The following HIVEP3 variants were observed in gnomAD, a reference collection of about 807,000 sequenced individuals.
HIVEP3 encodes transcription factor HIVEP3.
A neutral mutation model predicts 152.8 loss-of-function variants in HIVEP3; 49 were observed. The ratio of observed to expected loss-of-function variants is 0.32; its 90% CI spans 0.26 to 0.41. HIVEP3 has a LOEUF of 0.41. Ranked by LOEUF, HIVEP3 falls within the 10% of genes least tolerant of loss-of-function variation. The probability of loss-of-function intolerance (pLI) is 1.00; values close to 1 mark genes in which losing one functional copy is unlikely to be tolerated. For synonymous variants in HIVEP3, 1,269 were observed against 1,289.0 expected, an observed-to-expected ratio of 0.98 and a Z score of 0.33; for missense variants, 2,790 against 3,103.3, an observed-to-expected ratio of 0.90 and a Z score of 2.40.
chr1:41,853,044 G>C (rs913556931), intron 1 of HIVEP3, among the ~76,000 whole-genome samples: 1 of 152,198 alleles, frequency 6.6e-6, no homozygotes, highest in Admixed American at 6.5e-5. Flanking sequence ...TACCTGAAAA[G>C]AAACAGGGTG....
At chr1:41,697,277 C>G (rs757755296) in intron 2 of HIVEP3, among the ~76,000 whole-genome samples, 2 of 152,184 alleles carry the variant, frequency 1.3e-5, no homozygotes, top group Non-Finnish European at 1.5e-5. Flanking sequence ...CCCTAGCTTT[C>G]CACCCACAGC....
intron 1 of HIVEP3, among the ~76,000 whole-genome samples, chr1:42,031,227 A>G (rs1645610725): frequency 6.6e-6 from 1 of 152,028 alleles, no homozygotes; most frequent in Non-Finnish European, 1.5e-5. Flanking sequence ...TCCTCCTACA[A>G]CGTCCTCTAC....
chr1:42,032,609 C>T (rs1645619334), intron 1 of HIVEP3, among the ~76,000 whole-genome samples: 1 of 152,174 alleles, frequency 6.6e-6, no homozygotes, highest in African/African-American at 2.4e-5. Flanking sequence ...TTCCCAGCTC[C>T]AATCAGGGGC....
At chr1:41,562,357 G>A (rs1016567860) in intron 5 of HIVEP3, among the ~76,000 whole-genome samples, 2 of 152,238 alleles carry the variant, frequency 1.3e-5, no homozygotes, top group Non-Finnish European at 2.9e-5. Flanking sequence ...GTGGGGCTGA[G>A]AGGGTGACCT....
In HIVEP3 at chr1:41,754,515, G is replaced by T. The variant is rs530319353; in HGVS notation, c.-800-53520C>A. ...ATACGTTTGGGCTTTTCTGCAGAGCGATGCCTGCCTGCCGTACGTGTGGCT... is the reference window on the plus strand; with the variant it reads ...ATACGTTTGGGCTTTTCTGCAGAGCTATGCCTGCCTGCCGTACGTGTGGCT... On this transcript the variant is annotated intron_variant, in intron 1 of 8. Coordinates refer to ENST00000372583, the MANE Select transcript of HIVEP3 (RefSeq NM_024503.5). Among the ~76,000 whole-genome samples the T allele has an allele frequency of 7.2e-5, 11 of 152,314 alleles. No homozygotes were observed. In the East Asian group the frequency reaches 2.1e-3, roughly 29 times the overall value.
At chr1:41,648,435 C>G (rs1645494940) in intron 2 of HIVEP3, among the ~76,000 whole-genome samples, 1 of 152,146 alleles carries the variant, frequency 6.6e-6, no homozygotes, top group African/African-American at 2.4e-5. Context: ...AGGGCCCAGA[C>G]TGGACCTCTG....
At chr1:41,514,586 G>A (rs1484913518) in intron 7 of HIVEP3, among the ~76,000 whole-genome samples, 1 of 152,226 alleles carries the variant, frequency 6.6e-6, no homozygotes, top group Admixed American at 6.5e-5. Flanking sequence ...TATCTGAGGA[G>A]CCACTGCCCT....
rs1036074783 is a variant in HIVEP3 at position 41,533,682 on chromosome 1, T to A, written c.5208-8772A>T. On this transcript the variant is annotated intron_variant, in intron 5 of 8. Transcript: ENST00000372583. The surrounding 1 kb of genome is among the most constrained non-coding windows in gnomAD (Gnocchi z 4.3). ...GCTTGTGTCTCCTTTGCAAGCTCCT[T>A]TTTTGCCCACCCTTTCCCATGCCGA... Among the ~76,000 whole-genome samples the A allele has an allele frequency of 4.0e-5, 6 of 151,658 alleles. No homozygotes were observed. The highest frequency in any genetic ancestry group is 1.5e-4 in the African/African-American group (6 of 41,268).
intron 1 of HIVEP3, among the ~76,000 whole-genome samples, chr1:41,888,478 T>C (rs1644387490): frequency 6.6e-6 from 1 of 151,312 alleles, no homozygotes; most frequent in African/African-American, 2.4e-5. Context: ...GGAAGGCCTA[T>C]CCAGAGAGAA....
intron 1 of HIVEP3, among the ~76,000 whole-genome samples, chr1:41,817,207 C>A (rs552858117): frequency 1.3e-5 from 2 of 152,306 alleles, no homozygotes; most frequent in East Asian, 3.9e-4. Context: ...AAAGCTGAGA[C>A]CCACATCCAA....
chr1:41,903,554 C>A (rs113079264), intron 1 of HIVEP3, among the ~76,000 whole-genome samples: 3,592 of 152,344 alleles, frequency 0.024, 130 homozygotes, highest in African/African-American at 0.081. Flanking sequence ...CTACCTTTCT[C>A]TCCTCAGGAG....
At chr1:41,782,013 G>A (rs1649075468) in intron 1 of HIVEP3, among the ~76,000 whole-genome samples, 1 of 152,204 alleles carries the variant, frequency 6.6e-6, no homozygotes, top group Admixed American at 6.5e-5. Flanking sequence ...ATGGAGAAGA[G>A]TGTGACACAA....
intron 1 of HIVEP3, among the ~76,000 whole-genome samples, chr1:42,007,877 A>C (rs547547187): frequency 6.6e-6 from 1 of 152,318 alleles, no homozygotes; most frequent in East Asian, 1.9e-4. Flanking sequence ...CCCCCATGAC[A>C]GTCCATGCTC....
At chr1:41,683,732 G>C (rs1282865068) in intron 2 of HIVEP3, among the ~76,000 whole-genome samples, 4 of 152,188 alleles carry the variant, frequency 2.6e-5, no homozygotes, top group Admixed American at 6.5e-5. Context: ...CCAGGACTCA[G>C]TAAAAATTCA....
intron 3 of HIVEP3, among the ~76,000 whole-genome samples, chr1:41,591,042 AC>A (rs747351980): frequency 6.6e-6 from 1 of 152,206 alleles, no homozygotes; most frequent in Non-Finnish European, 1.5e-5. Flanking sequence ...TTGGCATGGC[AC>A]CTGACATATA....
chr1:41,970,596 T>C (rs1252846370), intron 1 of HIVEP3, among the ~76,000 whole-genome samples: 1 of 152,180 alleles, frequency 6.6e-6, no homozygotes, highest in Admixed American at 6.5e-5. Context: ...CTGGGCTTAA[T>C]ACCTAGGTAA....
At chr1:41,982,350 C>G (rs114347827) in intron 1 of HIVEP3, among the ~76,000 whole-genome samples, 43 of 152,176 alleles carry the variant, frequency 2.8e-4, no homozygotes, top group African/African-American at 9.7e-4. Flanking sequence ...GATGGAACTG[C>G]GTCCCTCTCA....
At chr1:42,003,940 A>C (rs1645443726) in intron 1 of HIVEP3, among the ~76,000 whole-genome samples, 1 of 152,152 alleles carries the variant, frequency 6.6e-6, no homozygotes, top group Non-Finnish European at 1.5e-5. Flanking sequence ...TTTTGCCACC[A>C]AAAAAAGGAA....
chr1:41,824,742 AATATATATATATATATATATATAT>A (rs375409601), intron 1 of HIVEP3, among the ~76,000 whole-genome samples: 2,251 of 75,108 alleles, frequency 0.03, 59 homozygotes, highest in South Asian at 0.051. Flanking sequence ...TTCCAAGTTA[AATATATATATATATATATATATAT>A]ATATATATAT....
Sources: allele counts gnomAD v4.1 joint callset (sites outside exome capture counted in the v4.1 genomes callset), GRCh38; gene constraint gnomAD v4.1.1; non-coding constraint Gnocchi (gnomAD v3.1); transcripts MANE v1.5; gene names NCBI Gene and HGNC (gene_info 2026-07-23, HGNC 2026-07-21).